CDC27: variants seen among roughly 807,000 people sequenced by gnomAD.
The protein encoded by CDC27 is cell division cycle protein 27 homolog.
Under a neutral mutation model 109.7 loss-of-function variants are expected in CDC27, and 27 were observed. The ratio of observed to expected loss-of-function variants is 0.25; its 90% CI spans 0.18 to 0.34. The LOEUF (loss-of-function observed/expected upper bound fraction) is 0.34. Among genes scored for constraint, CDC27 ranks in the 10% least tolerant of loss-of-function variants. CDC27 has a pLI of 1.00. For synonymous variants in CDC27, 266 were observed against 333.9 expected, an observed-to-expected ratio of 0.80 and a Z score of 2.22; for missense variants, 579 against 960.2, an observed-to-expected ratio of 0.60 and a Z score of 5.25.
intron 11 of CDC27, 68 bp from the exon 12 acceptor site, chr17:47,142,093 T>C: frequency 7.8e-7 from 1 of 1,282,874 alleles, no homozygotes; most frequent in Non-Finnish European, 1.1e-6. Context: ...CTAGAAAAGG[T>C]AATTACAAAC....
intron 3 of CDC27, chr17:47,171,191 C>T (rs1379174993): frequency 6.6e-6 from 1 of 152,150 alleles, no homozygotes; most frequent in Non-Finnish European, 1.5e-5. Flanking sequence ...AAAAGTAATT[C>T]AACAACAAAT....
At chr17:47,154,326 T>C (rs186283814) in intron 8 of CDC27, among the ~76,000 whole-genome samples, 47 of 152,254 alleles carry the variant, frequency 3.1e-4, no homozygotes, top group Admixed American at 2.7e-3. Flanking sequence ...ATAATTTCTG[T>C]TATTTATAGT....
chr17:47,118,163 A>C lies in CDC27; in HGVS notation c.*2772T>G, dbSNP rs2061914301. 6.6e-6 allele frequency: 1 copy of C among 152,214 alleles called. No homozygotes were observed. The allele number at this position is 152,214 out of a possible 1,614,324, so 9.4% of individuals were successfully genotyped here. A position where few individuals can be genotyped will look rare whatever the true frequency, so the allele number is the denominator to read the frequency against. On this transcript the variant is annotated 3_prime_UTR_variant, in exon 19 of 19. Coordinates refer to ENST00000066544, the MANE Select transcript of CDC27 (RefSeq NM_001256.6). ...TCACCATATTTCTCAGTGAAGACTC[A>C]TACTATACTCTGGCTAATCAGAGAC...
chr17:47,176,618 AT>A (rs1321639088), intron 2 of CDC27, among the ~76,000 whole-genome samples: 1 of 152,222 alleles, frequency 6.6e-6, no homozygotes, highest in East Asian at 1.9e-4. Context: ...CTGTGTAAAG[AT>A]TTAGGAACAG....
At chr17:47,160,135 A>T (rs2063454173) in intron 4 of CDC27, 1 of 173,160 alleles carries the variant, frequency 5.8e-6, no homozygotes, top group African/African-American at 2.4e-5. Flanking sequence ...AGGTGTATAA[A>T]CGCTTACATA....
chr17:47,157,116 G>A lies in CDC27; in HGVS notation c.639C>T (p.Asn213=). ...AATTGGAAGATTCTAAATTCAATCT[G>A]TTTAATTCCTGAAACAGAAAATTTC... ...TETPQDTIEL[N]RLNLESSNSK... The change falls in exon 7 of 19, where the codon AAC becomes AAT. Residue 213 remains asparagine (N), a synonymous_variant. Transcript: ENST00000066544. 1 of 1,567,684 alleles carries A rather than the reference G, an allele frequency of 6.4e-7. No individual in the cohort carries two copies.
intron 1 of CDC27, among the ~76,000 whole-genome samples, chr17:47,185,238 G>C (rs186208870): frequency 6.6e-4 from 101 of 152,146 alleles, no homozygotes; most frequent in African/African-American, 2.4e-3. Flanking sequence ...GAGTGCAGTG[G>C]CGCGATCTCG....
chr17:47,182,527 T>C (rs1229550600), intron 1 of CDC27, among the ~76,000 whole-genome samples: 3 of 152,196 alleles, frequency 2.0e-5, no homozygotes, highest in African/African-American at 7.2e-5. Context: ...ATTTTATACA[T>C]TTGTACATAT....
intron 14 of CDC27, among the ~76,000 whole-genome samples, chr17:47,133,024 TATATACACACACAC>T (rs1356899287): frequency 0.041 from 1,930 of 47,502 alleles, 68 homozygotes; most frequent in Non-Finnish European, 0.06. Flanking sequence ...TATATATATA[TATATACACACACAC>T]ACACACACAC....
At chr17:47,181,960 A>G (rs572484642) in intron 1 of CDC27, among the ~76,000 whole-genome samples, 3 of 152,344 alleles carry the variant, frequency 2.0e-5, no homozygotes, top group Admixed American at 2.0e-4. Flanking sequence ...TCCAGCTTAA[A>G]TAACATCTGC....
chr17:47,127,711 TTTG>T (rs1310161909), intron 16 of CDC27, among the ~76,000 whole-genome samples: 2 of 152,068 alleles, frequency 1.3e-5, no homozygotes, highest in East Asian at 3.9e-4. Context: ...CTATTTTTTT[TTTG>T]TTTTTTAAGA....
At chr17:47,144,180 T>G (rs1307932860) in intron 9 of CDC27, among the ~76,000 whole-genome samples, 198 bp from the exon 10 acceptor site, 1 of 152,196 alleles carries the variant, frequency 6.6e-6, no homozygotes, top group African/African-American at 2.4e-5. Flanking sequence ...CTGGCTTTCC[T>G]GCTTCTCAGC....
intron 4 of CDC27, among the ~76,000 whole-genome samples, chr17:47,168,089 G>T (rs2063702569): frequency 6.6e-6 from 1 of 152,150 alleles, no homozygotes; most frequent in African/African-American, 2.4e-5. Flanking sequence ...TCAGTTTTCT[G>T]GAAGCTTTCT....
intron 1 of CDC27, among the ~76,000 whole-genome samples, chr17:47,181,996 C>T (rs527415980): frequency 6.6e-6 from 1 of 152,164 alleles, no homozygotes; most frequent in African/African-American, 2.4e-5. Flanking sequence ...TGGCTGATGT[C>T]AAGCCATTTC....
intron 13 of CDC27, among the ~76,000 whole-genome samples, chr17:47,137,625 C>T (rs77722052): frequency 0.041 from 6,252 of 152,260 alleles, 195 homozygotes; most frequent in Middle Eastern, 0.099. Flanking sequence ...AATAATGTGA[C>T]TCTACCTTCT....
chr17:47,189,209 G>C lies in CDC27; in HGVS notation c.-37C>G. Reference sequence around the variant, plus strand: ...AGGCCCACTTTCTGCAGTGCCTCAGGCCCCCCCTGTAGCGGCTCCGGCCCG... The same window carrying C: ...AGGCCCACTTTCTGCAGTGCCTCAGCCCCCCCCTGTAGCGGCTCCGGCCCG... On this transcript the variant is annotated 5_prime_UTR_variant, in exon 1 of 19. Transcript: ENST00000066544. 1 of 1,577,070 alleles carries C rather than the reference G, an allele frequency of 6.3e-7. No homozygotes were observed. Among genetic ancestry groups the C allele is most frequent in the South Asian group, 1.1e-5 (1 of 90,354 alleles).
chr17:47,172,008 C>A lies in CDC27; in HGVS notation c.160G>T (p.Ala54Ser), dbSNP rs1296529846. ...TTCAAGAGTCTATATGCTTTATATG[C>A]CTTTCCTGAGCGGTAATAACAGGTT... ...LATCYYRSGK[A>S]YKAYRLLKGH... Residue 54 changes from alanine (A) to serine (S), a missense_variant, in exon 3 of 19, where the codon GCA becomes TCA. This residue lies in a region of CDC27 where 44 missense variants were observed against 102.2 expected (regional missense o/e 0.43). Transcript: ENST00000066544. 3.1e-6 allele frequency: 5 copies of A among 1,599,998 alleles called. No individual in the cohort carries two copies. Among genetic ancestry groups the A allele is most frequent in the African/African-American group, 1.3e-5 (1 of 74,406 alleles).
chr17:47,188,992 G>T, intron 1 of CDC27, 154 bp downstream of exon 1: 1 of 1,480,586 alleles, frequency 6.8e-7, no homozygotes, highest in Non-Finnish European at 9.1e-7. Context: ...TGTGGGCAAG[G>T]CCTCCGAACT....
Position 47,119,096 on chromosome 17 carries a change from G to A in CDC27, c.*1839C>T, listed in dbSNP as rs2061932894. On this transcript the variant is annotated 3_prime_UTR_variant, in exon 19 of 19. Transcript: ENST00000066544. Reference sequence around the variant, plus strand: ...AAATGACACTGTTATACAGCACCTTGTGCTTTGCCAATTAAAAAAATAAAA... The same window carrying A: ...AAATGACACTGTTATACAGCACCTTATGCTTTGCCAATTAAAAAAATAAAA... 1 of 152,178 alleles carries A rather than the reference G, an allele frequency of 6.6e-6. No individual in the cohort carries two copies. The highest frequency in any genetic ancestry group is 1.5e-5 in the Non-Finnish European group (1 of 68,038). The allele number at this position is 152,178 out of a possible 1,614,324, so 9.4% of individuals were successfully genotyped here.
Sources: allele counts gnomAD v4.1 joint callset (sites outside exome capture counted in the v4.1 genomes callset), GRCh38; gene constraint gnomAD v4.1.1; regional missense constraint gnomAD v4.1.1; transcripts MANE v1.5; gene names NCBI Gene and HGNC (gene_info 2026-07-23, HGNC 2026-07-21).